BICC1: variants seen among roughly 807,000 people sequenced by gnomAD.
BICC1 encodes BicC family RNA binding protein 1.
In BICC1, 43 loss-of-function variants were observed where a neutral mutation model predicts 111.0. The observed-to-expected ratio is 0.39, with a 90% confidence interval of 0.30 to 0.50. BICC1 has a LOEUF of 0.50. BICC1 is among the 20% of genes least tolerant of loss of function. The pLI is 0.88. For synonymous variants in BICC1, 467 were observed against 434.4 expected, an observed-to-expected ratio of 1.07 and a Z score of -0.93; for missense variants, 1,091 against 1,203.2, an observed-to-expected ratio of 0.91 and a Z score of 1.38.
chr10:58,715,808 G>C lies in BICC1; in HGVS notation c.307+13665G>C. 3.0e-6 allele frequency: 4 copies of C among 1,329,754 alleles called. No homozygotes were observed. In the South Asian group the frequency reaches 5.0e-5, roughly 17 times the overall value. 82.4% of individuals were successfully genotyped at this position (1,329,754 alleles called of 1,614,324 possible). ...GGGAGAAATTGTTAACTGCAAGTGA[G>C]AGCTCATCCAAAAAAAAGACAGAGA... On this transcript the variant is annotated intron_variant, in intron 3 of 20. Coordinates refer to ENST00000373886, the MANE Select transcript of BICC1 (RefSeq NM_001080512.3).
intron 1 of BICC1, among the ~76,000 whole-genome samples, chr10:58,586,805 A>G (rs1253413549): frequency 1.3e-5 from 2 of 152,138 alleles, no homozygotes; most frequent in Non-Finnish European, 2.9e-5. Context: ...TCATCTGGAA[A>G]TATGTATGTT....
chr10:58,729,805 A>G (rs536207665), intron 3 of BICC1, among the ~76,000 whole-genome samples: 2 of 152,220 alleles, frequency 1.3e-5, no homozygotes, highest in Non-Finnish European at 2.9e-5. Flanking sequence ...TTGTGACGAC[A>G]GTACCAAGGG....
rs975043806 is a variant in BICC1, at chr10:58,513,222, C to T, written c.79C>T (p.Pro27Ser). ...GSNSERSTDS[P>S]VPGSEDDLVA... is the part of the protein sequence containing the mutation. Reference sequence around the variant, plus strand: ...CAACAGCGAGCGCAGCACCGACTCCCCAGTGCCCGGCTCCGAGGACGACTT... The same window carrying T: ...CAACAGCGAGCGCAGCACCGACTCCTCAGTGCCCGGCTCCGAGGACGACTT... The change falls in exon 1 of 21, where the codon CCA becomes TCA. Residue 27 changes from proline to serine, a missense_variant. Pro to Ser is a moderately conservative substitution (Grantham distance 74). Transcript: ENST00000373886. 6.2e-7 allele frequency: 1 copy of T among 1,612,242 alleles called. No homozygotes were observed. Among genetic ancestry groups the T allele is most frequent in the Non-Finnish European group, 8.5e-7 (1 of 1,179,478 alleles).
rs1427901419 is a variant in BICC1, at chr10:58,803,222, T to TTGA, written c.2161_2162insTGA (p.Ser721delinsLeuThr). The TTGA allele has an allele frequency of 1.3e-6, 2 of 1,599,814 alleles. No homozygotes were observed. The highest frequency in any genetic ancestry group is 1.7e-5 in the Admixed American group (1 of 57,586). On this transcript the variant is annotated protein_altering_variant, in exon 15 of 21. Transcript: ENST00000373886. ...CGAAAGGGCCCACCTTGCTCCACGG[T>TTGA]CATCATATGTCAACATGCAGGTAAT...
At chr10:58,608,691 C>T (rs1845315026) in intron 1 of BICC1, among the ~76,000 whole-genome samples, 1 of 152,148 alleles carries the variant, frequency 6.6e-6, no homozygotes, top group African/African-American at 2.4e-5. Context: ...TGCTGCTTTG[C>T]ATATTTCAGG....
intron 1 of BICC1, among the ~76,000 whole-genome samples, chr10:58,591,526 A>T (rs771124814): frequency 5.3e-5 from 8 of 152,050 alleles, no homozygotes; most frequent in Non-Finnish European, 8.8e-5. Flanking sequence ...CACTAATCCC[A>T]CTCTTGAATG....
chr10:58,758,078 A>T (rs10826235), intron 3 of BICC1, among the ~76,000 whole-genome samples: 41,432 of 151,994 alleles, frequency 0.27, 6,512 homozygotes, highest in East Asian at 0.47. Context: ...CTTAAAAAAA[A>T]ATATATGTAG....
intron 1 of BICC1, among the ~76,000 whole-genome samples, chr10:58,567,440 ATATATGTCTTTTAGGGGATATG>A (rs1432918862): frequency 2.6e-5 from 4 of 151,814 alleles, no homozygotes; most frequent in Non-Finnish European, 5.9e-5. Flanking sequence ...TAGGGGATAT[ATATATGTCTTTTAGGGGATATG>A]TATATGTGTT....
At chr10:58,797,695 G>A (rs1843401602) in intron 10 of BICC1, among the ~76,000 whole-genome samples, 1 of 152,036 alleles carries the variant, frequency 6.6e-6, no homozygotes, top group Admixed American at 6.6e-5. Flanking sequence ...TATACTTTAT[G>A]CTTTATATGT....
At chr10:58,526,533 C>T (rs1842547151) in intron 1 of BICC1, among the ~76,000 whole-genome samples, 1 of 152,086 alleles carries the variant, frequency 6.6e-6, no homozygotes, top group African/African-American at 2.4e-5. Context: ...CACCCATTAA[C>T]TCATCATTTA....
intron 3 of BICC1, among the ~76,000 whole-genome samples, chr10:58,757,146 A>G (rs771910440): frequency 1.6e-4 from 25 of 152,332 alleles, no homozygotes; most frequent in Non-Finnish European, 2.6e-4. Flanking sequence ...TTTAGAATAT[A>G]CAAGGACTGT....
At chr10:58,552,118 C>A (rs896339776) in intron 1 of BICC1, among the ~76,000 whole-genome samples, 16 of 151,104 alleles carry the variant, frequency 1.1e-4, no homozygotes, top group Admixed American at 6.6e-4. Context: ...GTAAAAAAAA[C>A]CAGTCTACTG....
intron 1 of BICC1, among the ~76,000 whole-genome samples, chr10:58,514,041 C>G (rs1216287138): frequency 2.0e-5 from 3 of 152,224 alleles, no homozygotes; most frequent in Non-Finnish European, 2.9e-5. Flanking sequence ...TCTTTCACAA[C>G]TTAGAATTAT....
intron 3 of BICC1, among the ~76,000 whole-genome samples, chr10:58,753,707 G>C (rs1842055894): frequency 6.6e-6 from 1 of 151,424 alleles, no homozygotes; most frequent in African/African-American, 2.4e-5. Flanking sequence ...CACACACACA[G>C]TCTCTTTTCT....
At chr10:58,552,336 A>T (rs572579056) in intron 1 of BICC1, among the ~76,000 whole-genome samples, 8 of 151,692 alleles carry the variant, frequency 5.3e-5, no homozygotes, top group African/African-American at 1.4e-4. Flanking sequence ...TTATTATTTT[A>T]TTTATTTATT....
At chr10:58,519,814 A>G (rs142055733) in intron 1 of BICC1, among the ~76,000 whole-genome samples, 640 of 152,276 alleles carry the variant, frequency 4.2e-3, no homozygotes, top group Non-Finnish European at 6.2e-3. Flanking sequence ...AACTATCTCT[A>G]AAAATTCTCC....
intron 2 of BICC1, among the ~76,000 whole-genome samples, chr10:58,637,147 A>C (rs1324321993): frequency 1.3e-5 from 2 of 152,050 alleles, no homozygotes; most frequent in Admixed American, 1.3e-4. Context: ...GTTTCCTTTT[A>C]TTTAAATATG....
intron 2 of BICC1, among the ~76,000 whole-genome samples, chr10:58,699,338 G>GA (rs1460149104): frequency 6.6e-6 from 1 of 152,198 alleles, no homozygotes; most frequent in Admixed American, 6.5e-5. Flanking sequence ...GGCTTAGAGG[G>GA]AGTGTGTATA....
rs139782451 is a variant in BICC1, at chr10:58,661,196, G to A, written c.237+40295G>A. On this transcript the variant is annotated intron_variant, in intron 2 of 20. Transcript: ENST00000373886. ...AAATTCGTAATTTTTTAAAGGGCTC[G>A]CATATCGAGCTTGAATTTTTTTTTT... Among the ~76,000 whole-genome samples the A allele has an allele frequency of 4.7e-3, 636 of 134,942 alleles. 4 individuals carry two copies. The highest frequency in any genetic ancestry group is 0.016 in the African/African-American group (585 of 35,642). 88.5% of individuals were successfully genotyped at this position (134,942 alleles called of 152,430 possible).
Sources: allele counts gnomAD v4.1 joint callset (sites outside exome capture counted in the v4.1 genomes callset), GRCh38; gene constraint gnomAD v4.1.1; transcripts MANE v1.5; gene names NCBI Gene and HGNC (gene_info 2026-07-23, HGNC 2026-07-21).